Variants in FAAH2 observed in about 807,000 individuals in gnomAD.
FAAH2 encodes the protein fatty-acid amide hydrolase 2.
A neutral mutation model predicts 36.9 loss-of-function variants in FAAH2; 60 were observed. The observed-to-expected ratio is 1.63, with a 90% CI of 1.32 to 2.02. The LOEUF is 2.02. FAAH2 is among the 30% of genes most tolerant of loss of function. The pLI is 0.00. For synonymous variants in FAAH2, 214 were observed against 143.8 expected (o/e 1.49, Z -3.49); for missense variants, 689 against 397.5 (o/e 1.73, Z -6.23).
At chrX:57,315,021 G>T (rs555242200) in intron 3 of FAAH2, among the ~76,000 whole-genome samples, 1 of 111,085 alleles carries the variant, frequency 9.0e-6, no homozygotes, top group South Asian at 3.7e-4. Flanking sequence ...AAGTTAGACT[G>T]CTACCTAGAT....
At chrX:57,295,516 G>T (rs1016258754) in intron 2 of FAAH2, among the ~76,000 whole-genome samples, 1 of 112,132 alleles carries the variant, frequency 8.9e-6, no homozygotes, top group African/African-American at 3.2e-5. Context: ...CCAGTCTACA[G>T]TTCCCAGCGT....
intron 8 of FAAH2, among the ~76,000 whole-genome samples, chrX:57,432,375 G>T (rs2056323084): frequency 9.0e-6 from 1 of 111,253 alleles, no homozygotes; most frequent in Non-Finnish European, 1.9e-5. Flanking sequence ...GCAAGAACAA[G>T]GACACAGGGG....
intron 6 of FAAH2, 138 bp downstream of exon 6, chrX:57,378,924 C>A: frequency 1.3e-5 from 9 of 673,181 alleles, no homozygotes; most frequent in Non-Finnish European, 2.0e-5. Flanking sequence ...CCTTTATATA[C>A]TTATATAAGT....
At chrX:57,179,897 C>A in the FAAH2 span, among the ~76,000 whole-genome samples, 3 of 111,846 alleles carry the variant, frequency 2.7e-5, no homozygotes, top group African/African-American at 9.8e-5. Context: ...GTAAAAGAAC[C>A]AAAAATATAA....
intron 10 of FAAH2, among the ~76,000 whole-genome samples, chrX:57,479,101 T>A (rs964076748): frequency 2.7e-5 from 3 of 111,885 alleles, no homozygotes; most frequent in African/African-American, 9.7e-5. Context: ...TTCACGATAT[T>A]GATTCTTCCT....
At chrX:57,208,643 T>A in the FAAH2 span, among the ~76,000 whole-genome samples, 1 of 111,122 alleles carries the variant, frequency 9.0e-6, no homozygotes, top group African/African-American at 3.3e-5. Flanking sequence ...AAATCAGGGG[T>A]CTCACAACCT....
intron 8 of FAAH2, among the ~76,000 whole-genome samples, chrX:57,446,028 A>C (rs1360367342): frequency 1.8e-5 from 2 of 112,361 alleles, no homozygotes; most frequent in Non-Finnish European, 3.8e-5. Context: ...CTCATTCAGA[A>C]CTGCTCTAAA....
At chrX:57,160,810 G>C in the FAAH2 span, among the ~76,000 whole-genome samples, 1 of 111,879 alleles carries the variant, frequency 8.9e-6, no homozygotes, top group East Asian at 2.8e-4. Context: ...CAAAAAACCA[G>C]CTCCTGGATT....
In FAAH2 at chrX:57,467,004, G is replaced by A. The variant is rs781648988; in HGVS notation, c.1423+18286G>A. On this transcript the variant is annotated intron_variant, in intron 10 of 10. Transcript: ENST00000374900. ...AGGTCTCAAAAACAAGCTCTCCAGA[G>A]GTGGTTTTGCTGCTGTTGTTTTTGT... Among the ~76,000 whole-genome samples the A allele has an allele frequency of 3.6e-5, 4 of 111,152 alleles. No homozygotes were observed. The South Asian group carries it at 1.2e-3, about 32-fold the overall frequency.
At chrX:57,350,782 C>G (rs1365983206) in intron 5 of FAAH2, among the ~76,000 whole-genome samples, 1 of 110,852 alleles carries the variant, frequency 9.0e-6, no homozygotes, top group African/African-American at 3.3e-5. Context: ...GAAATCAATT[C>G]AGCAAGAGAA....
At chrX:57,177,834 G>A in the FAAH2 span, among the ~76,000 whole-genome samples, 2 of 108,837 alleles carry the variant, frequency 1.8e-5, no homozygotes, top group African/African-American at 3.3e-5. Context: ...GCCTAGCAGT[G>A]CAACTATGTC....
the FAAH2 span, among the ~76,000 whole-genome samples, chrX:57,162,875 T>G: frequency 8.8e-6 from 1 of 113,122 alleles, no homozygotes; most frequent in Non-Finnish European, 1.9e-5. Context: ...AAAGTCAATC[T>G]CCATCCAGCT....
At chrX:57,178,077 T>C in the FAAH2 span, among the ~76,000 whole-genome samples, 1 of 111,532 alleles carries the variant, frequency 9.0e-6, no homozygotes, top group East Asian at 2.8e-4. Flanking sequence ...TTACAAGGAA[T>C]CCAGTAATGT....
the FAAH2 span, among the ~76,000 whole-genome samples, chrX:57,224,199 C>T: frequency 3.6e-5 from 4 of 111,693 alleles, no homozygotes; most frequent in Non-Finnish European, 5.6e-5. Flanking sequence ...TAAGGCCATG[C>T]CTCTCCCTGT....
At chrX:57,331,135 A>G (rs1001043847) in intron 3 of FAAH2, among the ~76,000 whole-genome samples, 1 of 111,664 alleles carries the variant, frequency 9.0e-6, no homozygotes, top group South Asian at 3.8e-4. Flanking sequence ...GCTCCTCCAG[A>G]TGTTCTGGCA....
At position 57,360,813 on chromosome X, in the gene FAAH2, G is replaced by A. The variant is rs192794708; in HGVS notation, c.743-17838G>A. ...ACATTCATTAGCTATGTGCCCTAGT[G>A]CTCTTCCTCCCCTCACCCCCACCCA... On this transcript the variant is annotated intron_variant, in intron 5 of 10. Transcript: ENST00000374900. Among the ~76,000 whole-genome samples the A allele has an allele frequency of 1.8e-4, 20 of 110,549 alleles. 1 individual carries two copies. Among genetic ancestry groups the A allele is most frequent in the African/African-American group, 6.6e-4 (20 of 30,421 alleles).
At chrX:57,453,118 C>T (rs2056812903) in intron 10 of FAAH2, among the ~76,000 whole-genome samples, 1 of 111,808 alleles carries the variant, frequency 8.9e-6, no homozygotes, top group South Asian at 3.7e-4. Flanking sequence ...TGCAGCTCTT[C>T]AACCCTGCCC....
At chrX:57,374,988 C>A (rs2054635510) in intron 5 of FAAH2, among the ~76,000 whole-genome samples, 2 of 111,192 alleles carry the variant, frequency 1.8e-5, no homozygotes, top group Non-Finnish European at 3.8e-5. Flanking sequence ...GTTTTTAATT[C>A]TGTTTATGTG....
intron 5 of FAAH2, among the ~76,000 whole-genome samples, chrX:57,354,519 T>G (rs1006640877): frequency 1.8e-5 from 2 of 110,302 alleles, no homozygotes; most frequent in Admixed American, 9.7e-5. Flanking sequence ...AAGCCCTGAT[T>G]TGACTGTTAT....
Sources: allele counts gnomAD v4.1 joint callset (sites outside exome capture counted in the v4.1 genomes callset), GRCh38; gene constraint gnomAD v4.1.1; transcripts MANE v1.5; gene names NCBI Gene and HGNC (gene_info 2026-07-23, HGNC 2026-07-21).